The following NCAM2 variants were observed in gnomAD, a reference collection of about 807,000 sequenced individuals.
NCAM2 encodes neural cell adhesion molecule 2.
NCAM2 carries 30 observed loss-of-function variants against 98.1 expected under a neutral mutation model. The observed-to-expected ratio is 0.31, with a 90% CI of 0.23 to 0.41. NCAM2 has a LOEUF of 0.41. Ranked by LOEUF, NCAM2 falls within the 10% of genes least tolerant of loss-of-function variation. NCAM2 has a pLI of 1.00. For missense variants in NCAM2, 867 were observed against 1,005.8 expected, an observed-to-expected ratio of 0.86 and a Z score of 1.87; for synonymous variants, 368 against 342.4, an observed-to-expected ratio of 1.07 and a Z score of -0.83.
rs190232541 is a variant in NCAM2 at position 21,021,354 on chromosome 21, A to G, written c.55+22736A>G. ...TATTTTAAAGTGTGCTGTGAAAAGC[A>G]AAGTTGATGATGACTTTTTTGGTTC... On this transcript the variant is annotated intron_variant, in intron 1 of 17. Coordinates refer to ENST00000400546, the MANE Select transcript of NCAM2 (RefSeq NM_004540.5). 2.4e-4 allele frequency among the ~76,000 whole-genome samples: 37 copies of G among 152,288 alleles called. No individual in the cohort carries two copies. The East Asian group carries it at 6.6e-3, about 27-fold the overall frequency.
chr21:21,268,926 A>G (rs1014539337), intron 1 of NCAM2, among the ~76,000 whole-genome samples: 2 of 152,170 alleles, frequency 1.3e-5, no homozygotes, highest in Admixed American at 6.5e-5. Flanking sequence ...CTAACTATGG[A>G]TCCTTCAGAA....
intron 1 of NCAM2, among the ~76,000 whole-genome samples, chr21:21,021,328 C>G (rs2064431036): frequency 6.6e-6 from 1 of 152,150 alleles, no homozygotes; most frequent in South Asian, 2.1e-4. Flanking sequence ...CTGCCATGCT[C>G]TATTTTAAAG....
intron 1 of NCAM2, among the ~76,000 whole-genome samples, chr21:21,166,722 A>G (rs1207663810): frequency 6.6e-6 from 1 of 152,210 alleles, no homozygotes; most frequent in Non-Finnish European, 1.5e-5. Flanking sequence ...GCAGATCATC[A>G]TCACATTGTG....
intron 15 of NCAM2, among the ~76,000 whole-genome samples, chr21:21,491,884 A>G (rs894981960): frequency 2.0e-5 from 3 of 151,624 alleles, no homozygotes; most frequent in Non-Finnish European, 4.4e-5. Context: ...TACAATAGTT[A>G]TAGTAGTTTG....
chr21:21,068,135 CTTTT>C (rs68078560), intron 1 of NCAM2, among the ~76,000 whole-genome samples: 3 of 88,554 alleles, frequency 3.4e-5, no homozygotes, highest in Admixed American at 1.4e-4. Flanking sequence ...ACTTTTTTTT[CTTTT>C]TTTTTTTTTT....
intron 1 of NCAM2, among the ~76,000 whole-genome samples, chr21:21,114,556 C>A (rs2066515241): frequency 6.6e-6 from 1 of 152,062 alleles, no homozygotes; most frequent in South Asian, 2.1e-4. Flanking sequence ...TCATCTTTGC[C>A]AAAAGCTGTT....
At chr21:21,210,019 G>A (rs1431452619) in intron 1 of NCAM2, among the ~76,000 whole-genome samples, 1 of 152,190 alleles carries the variant, frequency 6.6e-6, no homozygotes, top group African/African-American at 2.4e-5. Context: ...CATTGTGGAA[G>A]TCAAGAGCTC....
At chr21:21,291,936 A>G (rs1332766747) in intron 4 of NCAM2, among the ~76,000 whole-genome samples, 168 bp from the exon 5 acceptor site, 2 of 151,768 alleles carry the variant, frequency 1.3e-5, no homozygotes, top group African/African-American at 4.8e-5. Flanking sequence ...GTAGAGTGGA[A>G]AAATTGAAGT....
intron 16 of NCAM2, among the ~76,000 whole-genome samples, chr21:21,518,140 G>T (rs1324402514): frequency 6.6e-6 from 1 of 151,992 alleles, no homozygotes; most frequent in Non-Finnish European, 1.5e-5. Flanking sequence ...TATGCATCAG[G>T]GTTAGAAATA....
chr21:21,222,664 C>T (rs1316761966), intron 1 of NCAM2, among the ~76,000 whole-genome samples: 2 of 152,128 alleles, frequency 1.3e-5, no homozygotes, highest in African/African-American at 4.8e-5. Flanking sequence ...CAAGGATTTC[C>T]TTCCTATGGA....
chr21:21,345,444 A>G (rs559422378), intron 8 of NCAM2, among the ~76,000 whole-genome samples: 2 of 152,178 alleles, frequency 1.3e-5, no homozygotes, highest in Non-Finnish European at 2.9e-5. Context: ...AATTACAACG[A>G]ATCAAGTAGA....
chr21:21,242,580 A>G (rs556637949), intron 1 of NCAM2, among the ~76,000 whole-genome samples: 2 of 152,164 alleles, frequency 1.3e-5, no homozygotes, highest in South Asian at 4.1e-4. Flanking sequence ...TGTCAGTGAG[A>G]TCCTGCCGAA....
intron 1 of NCAM2, among the ~76,000 whole-genome samples, chr21:21,077,983 T>C (rs1237123601): frequency 2.6e-5 from 4 of 152,116 alleles, no homozygotes; most frequent in Non-Finnish European, 5.9e-5. Context: ...CAAGCAAATT[T>C]TGTTTTTTAG....
At chr21:21,363,695 A>G (rs1418216966) in intron 8 of NCAM2, among the ~76,000 whole-genome samples, 1 of 152,114 alleles carries the variant, frequency 6.6e-6, no homozygotes, top group Admixed American at 6.6e-5. Flanking sequence ...AAGGTATCAT[A>G]TAGAAAATAT....
chr21:21,200,539 A>G (rs2069175805), intron 1 of NCAM2, among the ~76,000 whole-genome samples: 1 of 152,152 alleles, frequency 6.6e-6, no homozygotes, highest in African/African-American at 2.4e-5. Context: ...TGTCAAATGC[A>G]ATTTATAAAG....
At chr21:21,287,973 G>A (rs182871492) in intron 4 of NCAM2, among the ~76,000 whole-genome samples, 63 of 151,894 alleles carry the variant, frequency 4.1e-4, no homozygotes, top group African/African-American at 1.5e-3. Context: ...GTCCTTTCTT[G>A]ACATCTATGG....
chr21:21,352,465 A>G (rs1164362381), intron 8 of NCAM2, among the ~76,000 whole-genome samples: 2 of 152,028 alleles, frequency 1.3e-5, no homozygotes, highest in African/African-American at 4.8e-5. Flanking sequence ...CTTCTTGATC[A>G]ATAAATGTTA....
chr21:21,005,140 G>A (rs1238447624), intron 1 of NCAM2, among the ~76,000 whole-genome samples: 1 of 152,198 alleles, frequency 6.6e-6, no homozygotes, highest in African/African-American at 2.4e-5. Context: ...TGGAGGCCAA[G>A]CTGGTTTGAC....
intron 1 of NCAM2, among the ~76,000 whole-genome samples, chr21:21,255,865 A>G (rs545210586): frequency 1.3e-5 from 2 of 152,320 alleles, no homozygotes; most frequent in African/African-American, 4.8e-5. Flanking sequence ...TCCTCAGAAT[A>G]CAGCTTCATT....
Sources: gnomAD v4.1 joint callset for allele counts (sites outside exome capture counted in the v4.1 genomes callset) on GRCh38, gnomAD v4.1.1 for gene constraint, MANE v1.5 for transcripts, NCBI Gene and HGNC (gene_info 2026-07-23, HGNC 2026-07-21) for gene names.